Variants in RAI1 observed in about 807,000 individuals in gnomAD.
The protein encoded by RAI1 is retinoic acid induced 1.
Under a neutral mutation model 123.8 loss-of-function variants are expected in RAI1, and 9 were observed. The ratio of observed to expected loss-of-function variants is 0.07; its 90% confidence interval spans 0.04 to 0.13. RAI1 has a LOEUF of 0.13. Ranked by LOEUF, RAI1 falls within the 10% of genes least tolerant of loss-of-function variation. RAI1 has a pLI of 1.00. For missense variants in RAI1, 2,256 were observed against 2,545.8 expected, an observed-to-expected ratio of 0.89 and a Z score of 2.45; for synonymous variants, 1,231 against 1,127.3, an observed-to-expected ratio of 1.09 and a Z score of -1.84.
At chr17:17,805,704 G>A (rs555199088) in intron 4 of RAI1, among the ~76,000 whole-genome samples, 76 of 152,352 alleles carry the variant, frequency 5.0e-4, no homozygotes, top group African/African-American at 1.6e-3. Flanking sequence ...GGGACCCAGC[G>A]GGGAAGGGGC....
At chr17:17,769,523 G>A (rs1167465409) in intron 2 of RAI1, among the ~76,000 whole-genome samples, 2 of 152,362 alleles carry the variant, frequency 1.3e-5, no homozygotes, top group Middle Eastern at 3.4e-3. Flanking sequence ...ATGAAGGAGC[G>A]ACATGACAAG....
In RAI1 at chr17:17,755,940, C is replaced by T. The variant is rs76129803; in HGVS notation, c.-17+31781C>T. On this transcript the variant is annotated intron_variant, in intron 2 of 5. Transcript: ENST00000353383. ...CCCTTTAGTGATAAATCCAGCTGGCCGCTCTTTGCAGCTCACCAGGGACCA... is the reference window on the plus strand; with the variant it reads ...CCCTTTAGTGATAAATCCAGCTGGCTGCTCTTTGCAGCTCACCAGGGACCA... 8.7e-3 allele frequency among the ~76,000 whole-genome samples: 1,330 copies of T among 152,346 alleles called. 52 individuals are homozygous for T. The highest frequency in any genetic ancestry group is 0.063 in the Admixed American group (967 of 15,306).
In RAI1 at chr17:17,754,191, CTTTTTTTTTT is replaced by C. The variant is rs1158475382; in HGVS notation, c.-17+30053_-17+30062del. Among the ~76,000 whole-genome samples, 468 of 75,724 alleles carry C rather than the reference CTTTTTTTTTT, an allele frequency of 6.2e-3. 5 individuals carry two copies. The highest frequency in any genetic ancestry group is 0.024 in the African/African-American group (425 of 17,362). The allele number at this position is 75,724 out of a possible 152,430, so 49.7% of individuals were successfully genotyped here. On this transcript the variant is annotated intron_variant, in intron 2 of 5. Transcript: ENST00000353383. Reference sequence around the variant, plus strand: ...TTTTATGCCATTCGCCTAACCCAATCTTTTTTTTTTTTTTTTTTTTTTTTTTTTTTGAGAC... The same window carrying C: ...TTTTATGCCATTCGCCTAACCCAATCTTTTTTTTTTTTTTTTTTTTGAGAC...
intron 2 of RAI1, among the ~76,000 whole-genome samples, chr17:17,769,162 G>A (rs1323601118): frequency 6.6e-6 from 1 of 152,256 alleles, no homozygotes; most frequent in Non-Finnish European, 1.5e-5. Context: ...ATGTCTTCAC[G>A]AACAAGGGAG....
intron 2 of RAI1, among the ~76,000 whole-genome samples, chr17:17,757,901 A>G (rs184659711): frequency 1.3e-5 from 2 of 152,330 alleles, no homozygotes; most frequent in East Asian, 3.9e-4. Context: ...GGGTCCTGGC[A>G]TTCTGGAAGA....
At chr17:17,805,100 A>G (rs1036696312) in intron 4 of RAI1, among the ~76,000 whole-genome samples, 1 of 152,046 alleles carries the variant, frequency 6.6e-6, no homozygotes, top group Non-Finnish European at 1.5e-5. Flanking sequence ...TGACCTCGTG[A>G]TCCGCCCGCC....
chr17:17,719,411 T>A (rs954191435), intron 1 of RAI1, among the ~76,000 whole-genome samples: 1 of 152,178 alleles, frequency 6.6e-6, no homozygotes, highest in African/African-American at 2.4e-5. Flanking sequence ...TTTGCACTTG[T>A]TCTTCCTTCT....
chr17:17,742,734 C>T (rs1567865348), intron 2 of RAI1, among the ~76,000 whole-genome samples: 1 of 152,214 alleles, frequency 6.6e-6, no homozygotes, highest in Non-Finnish European at 1.5e-5. Context: ...TTTAGACCTT[C>T]CTCCAGGCTC....
chr17:17,720,029 G>A (rs1485727361), intron 1 of RAI1, among the ~76,000 whole-genome samples: 1 of 152,124 alleles, frequency 6.6e-6, no homozygotes, highest in African/African-American at 2.4e-5. Flanking sequence ...CTGGCCTGAT[G>A]GGCCTCCCCG....
At chr17:17,791,462 T>G (rs1229534833) in intron 2 of RAI1, among the ~76,000 whole-genome samples, 1 of 151,938 alleles carries the variant, frequency 6.6e-6, no homozygotes, top group Non-Finnish European at 1.5e-5. Flanking sequence ...TCTCCCTCTC[T>G]GTGCCCCTCT....
At chr17:17,757,261 G>A (rs2030474740) in intron 2 of RAI1, among the ~76,000 whole-genome samples, 1 of 152,224 alleles carries the variant, frequency 6.6e-6, no homozygotes, top group Admixed American at 6.5e-5. Flanking sequence ...AGCTCATCTG[G>A]CTGCAGAGTC....
chr17:17,723,146 C>T (rs1915942493), intron 1 of RAI1, among the ~76,000 whole-genome samples: 1 of 152,166 alleles, frequency 6.6e-6, no homozygotes, highest in South Asian at 2.1e-4. Context: ...ACACAACTGC[C>T]CTCTGGACAC....
intron 1 of RAI1, among the ~76,000 whole-genome samples, chr17:17,702,150 A>G (rs547766843): frequency 5.5e-4 from 84 of 152,320 alleles, no homozygotes; most frequent in African/African-American, 2.0e-3. Context: ...GCTAGGGCAG[A>G]ACACTGGCTG....
chr17:17,688,410 G>A (rs1040419778), intron 1 of RAI1, among the ~76,000 whole-genome samples: 3 of 151,596 alleles, frequency 2.0e-5, no homozygotes, highest in South Asian at 2.1e-4. Context: ...CTTGAACCCC[G>A]GGGGGTGGAA....
intron 2 of RAI1, among the ~76,000 whole-genome samples, chr17:17,734,566 C>T (rs1018432121): frequency 3.9e-5 from 6 of 152,210 alleles, no homozygotes; most frequent in Admixed American, 3.3e-4. Context: ...TAACCAAGGC[C>T]GCTGGGAATG....
chr17:17,782,752 G>A (rs2031642469), intron 2 of RAI1, among the ~76,000 whole-genome samples: 1 of 151,980 alleles, frequency 6.6e-6, no homozygotes, highest in African/African-American at 2.4e-5. Context: ...GGCCCGGCGA[G>A]CCGGGCGCAC....
At chr17:17,724,329 G>GTTGCGGAT (rs1915999142) in intron 2 of RAI1, among the ~76,000 whole-genome samples, 170 bp downstream of exon 2, 1 of 151,032 alleles carries the variant, frequency 6.6e-6, no homozygotes, top group Non-Finnish European at 1.5e-5. Context: ...CTTGGCTGGA[G>GTTGCGGAT]TTGCGGATTT....
At chr17:17,730,490 C>T (rs1001419708) in intron 2 of RAI1, among the ~76,000 whole-genome samples, 1 of 152,226 alleles carries the variant, frequency 6.6e-6, no homozygotes, top group Non-Finnish European at 1.5e-5. Context: ...GCCTGTTGCC[C>T]ACTGTCTCAG....
chr17:17,739,860 G>T (rs1201540118), intron 2 of RAI1, among the ~76,000 whole-genome samples: 1 of 152,220 alleles, frequency 6.6e-6, no homozygotes, highest in African/African-American at 2.4e-5. Flanking sequence ...TGGCCAGTGG[G>T]CCACGGGGGC....
Sources: allele counts gnomAD v4.1 joint callset (sites outside exome capture counted in the v4.1 genomes callset), GRCh38; gene constraint gnomAD v4.1.1; transcripts MANE v1.5; gene names NCBI Gene and HGNC (gene_info 2026-07-23, HGNC 2026-07-21).